ICAM5: variants seen among roughly 807,000 people sequenced by gnomAD.
The protein encoded by ICAM5 is intercellular adhesion molecule 5, also known as ICAM-5.
ICAM5 carries 38 observed loss-of-function variants against 78.8 expected under a neutral mutation model. The ratio of observed to expected loss-of-function variants is 0.48; its 90% confidence interval spans 0.37 to 0.63. The LOEUF is 0.63. ICAM5 is among the 30% of genes least tolerant of loss of function. The pLI is 0.00. For missense variants in ICAM5, 1,059 were observed against 1,303.0 expected (o/e 0.81, Z 2.88); for synonymous variants, 544 against 590.9 (o/e 0.92, Z 1.15).
chr19:10,295,459 C>T lies in ICAM5; in HGVS notation c.2344C>T (p.Arg782Cys), dbSNP rs754587787. 6.3e-7 allele frequency: 1 copy of T among 1,597,046 alleles called. No homozygotes were observed. Among genetic ancestry groups the T allele is most frequent in the Admixed American group, 1.7e-5 (1 of 58,072 alleles). The stretch of plus-strand genomic sequence containing the variant: ...CTGGCCTCCAGCCCAGATCAGCTGG[C>T]GCGCGCCCCCGGGGGCCCTCAACAT... ...EAWPPAQISW[R>C]APPGALNIGL... The change falls in exon 10 of 11, where the codon CGC (arginine) becomes TGC (cysteine). Residue 782 changes from arginine to cysteine, a missense_variant. Coordinates refer to ENST00000221980, the MANE Select transcript of ICAM5 (RefSeq NM_003259.4).
chr19:10,292,936 T>A, intron 5 of ICAM5, 62 bp from the exon 6 acceptor site: 1 of 1,607,726 alleles, frequency 6.2e-7, no homozygotes, highest in Non-Finnish European at 8.5e-7. Context: ...TCCCTCACCG[T>A]GTCGTGGAGG....
In ICAM5 at chr19:10,292,769, C is replaced by G. The variant is rs144063436; in HGVS notation, c.1119C>G (p.Thr373=). ...CCGCCCAGCTTCAGCTAAATGCCAC[C>G]GAGAACGACGACAGACGCAGCTTCT... ...GQPAQLQLNA[T]ENDDRRSFFC... Residue 373 remains threonine (T), a synonymous_variant, in exon 5 of 11, where the codon ACC becomes ACG. Transcript: ENST00000221980. 3,163 of 1,613,466 alleles carry G rather than the reference C, an allele frequency of 2.0e-3. 3 individuals carry two copies. The highest frequency in any genetic ancestry group is 2.4e-3 in the Non-Finnish European group (2,789 of 1,180,000).
intron 9 of ICAM5, among the ~76,000 whole-genome samples, 153 bp from the exon 10 acceptor site, chr19:10,295,193 A>G (rs779675185): frequency 2.0e-5 from 3 of 151,960 alleles, no homozygotes; most frequent in Non-Finnish European, 4.4e-5. Context: ...CAGCAGCCTG[A>G]TTGTCGGGGA....
Position 10,290,747 on chromosome 19 carries a change from C to T in ICAM5, c.83-325C>T, listed in dbSNP as rs1432646719. ...TCATCCCCCATCCCCCATCCCGGGT[C>T]CCCTTCTCTCAGCCTTGCTGTGTTC... On this transcript the variant is annotated intron_variant, in intron 1 of 10. Coordinates refer to ENST00000221980, the MANE Select transcript of ICAM5 (RefSeq NM_003259.4). The surrounding 1 kb of genome is among the most constrained non-coding windows in gnomAD (Gnocchi z 5.7). 2 of 429,230 alleles carry T rather than the reference C, an allele frequency of 4.7e-6. No individual in the cohort carries two copies. Among genetic ancestry groups the T allele is most frequent in the East Asian group, 3.8e-5 (1 of 26,166 alleles). The allele number at this position is 429,230 out of a possible 1,614,324, so 26.6% of individuals were successfully genotyped here.
chr19:10,293,559 A>T lies in ICAM5; in HGVS notation c.1466-139A>T. ...CCCAGACAGAGTGCATGCCTCGACT[A>T]GCGTGACACCTCCTTGGATCGGCGT... On this transcript the variant is annotated intron_variant, in intron 6 of 10. Transcript: ENST00000221980. This position sits in a 1 kb window ranked among gnomAD's most constrained non-coding sequence, Gnocchi z 5.0. 3.3e-6 allele frequency: 4 copies of T among 1,230,076 alleles called. No individual in the cohort carries two copies. Among genetic ancestry groups the T allele is most frequent in the Non-Finnish European group, 4.5e-6 (4 of 890,494 alleles). 76.2% of individuals were successfully genotyped at this position (1,230,076 alleles called of 1,614,324 possible).
In ICAM5 at chr19:10,295,366, C is replaced by T. The variant is rs1318054434; in HGVS notation, c.2251C>T (p.Leu751Phe). 1 of 1,570,836 alleles carries T rather than the reference C, an allele frequency of 6.4e-7. No homozygotes were observed. The highest frequency in any genetic ancestry group is 8.6e-7 in the Non-Finnish European group (1 of 1,162,372). The change falls in exon 10 of 11, where the codon CTT becomes TTT. Residue 751 changes from leucine to phenylalanine, a missense_variant. Coordinates refer to ENST00000221980, the MANE Select transcript of ICAM5 (RefSeq NM_003259.4). ...TTCAGACCGGCCAGTGGTGGCCGAA[C>T]TTGCTGCCTCGCCCCCTGGAGGCGT... ...GVEYRPVVAE[L>F]AASPPGGVRP...
intron 5 of ICAM5, 37 bp downstream of exon 5, chr19:10,292,903 G>A: frequency 1.2e-6 from 2 of 1,606,378 alleles, no homozygotes; most frequent in Non-Finnish European, 1.7e-6. Flanking sequence ...CCACCTTCTG[G>A]TGACTTCCAA....
Position 10,294,617 on chromosome 19 carries a change from G to A in ICAM5, c.2207G>A (p.Arg736Gln), listed in dbSNP as rs1217315596. 1 of 1,612,786 alleles carries A rather than the reference G, an allele frequency of 6.2e-7. No homozygotes were observed. Among genetic ancestry groups the A allele is most frequent in the African/African-American group, 1.3e-5 (1 of 75,014 alleles). The change falls in exon 9 of 11, where the codon CGG (arginine) becomes CAG (glutamine). Residue 736 changes from arginine (R) to glutamine (Q), a missense_variant. Around this residue, in one of 3 missense-constraint regions of ICAM5, gnomAD observed 135 missense variants for 230.2 expected, o/e 0.59. Transcript: ENST00000221980. This position sits in a 1 kb window ranked among gnomAD's most constrained non-coding sequence, Gnocchi z 7.7. ...ACCAATGCGCATGGCACGGACTCCC[G>A]GACCGTCACTGTGGGCGTGGAATGT... ...VATNAHGTDS[R>Q]TVTVGVEYRP...
intron 9 of ICAM5, among the ~76,000 whole-genome samples, chr19:10,295,098 C>T (rs891420045): frequency 1.3e-5 from 2 of 152,208 alleles, no homozygotes; most frequent in African/African-American, 4.8e-5. Context: ...AGGAGCACGG[C>T]CCTCCTCAAA....
rs867890082 is a variant in ICAM5, at chr19:10,296,431, G to A, written c.2590G>A (p.Ala864Thr). ...AGLAFYVQST[A>T]CKKGEYNVQE... ...CCTGGCCTTCTACGTGCAGTCCACCGCCTGCAAGAAGGGCGAGTACAACGT... is the reference window on the plus strand; with the variant it reads ...CCTGGCCTTCTACGTGCAGTCCACCACCTGCAAGAAGGGCGAGTACAACGT... The change falls in exon 11 of 11, where the codon GCC (alanine) becomes ACC (threonine). Residue 864 changes from alanine to threonine, a missense_variant. Transcript: ENST00000221980. The A allele has an allele frequency of 1.5e-6, 2 of 1,326,558 alleles. No homozygotes were observed. Among genetic ancestry groups the A allele is most frequent in the African/African-American group, 3.1e-5 (2 of 65,018 alleles). 82.2% of individuals were successfully genotyped at this position (1,326,558 alleles called of 1,614,324 possible).
chr19:10,295,636 G>C, intron 10 of ICAM5, 24 bp downstream of exon 10: 1 of 1,530,150 alleles, frequency 6.5e-7, no homozygotes, highest in Non-Finnish European at 8.8e-7. Flanking sequence ...GGGGAGAGGC[G>C]GGGCGAGGTA....
At position 10,294,414 on chromosome 19, in the gene ICAM5, GGATGAA is replaced by G. The variant is rs758704689; in HGVS notation, c.2005_2010del (p.Asp669_Glu670del). Reference sequence around the variant, plus strand: ...GCTGCTTTGCAGCGCCACCGGAGATGGATGAATCTACCTGCCCAAGTCACCAGACGT... The same window carrying G: ...GCTGCTTTGCAGCGCCACCGGAGATGTCTACCTGCCCAAGTCACCAGACGT... On this transcript the variant is annotated inframe_deletion, in exon 9 of 11. Transcript: ENST00000221980. This position sits in a 1 kb window ranked among gnomAD's most constrained non-coding sequence, Gnocchi z 7.7. The G allele has an allele frequency of 6.2e-7, 1 of 1,612,808 alleles. No homozygotes were observed. The highest frequency in any genetic ancestry group is 8.5e-7 in the Non-Finnish European group (1 of 1,179,692).
Position 10,290,218 on chromosome 19 carries a change from G to T in ICAM5, c.82+93G>T, listed in dbSNP as rs1246273702. 1.0e-5 allele frequency: 10 copies of T among 953,940 alleles called. No individual in the cohort carries two copies. Among genetic ancestry groups the T allele is most frequent in the Admixed American group, 3.1e-5 (1 of 32,538 alleles). 59.1% of individuals were successfully genotyped at this position (953,940 alleles called of 1,614,324 possible). ...TCCTGTCCCTCCCAGCTCTGCCCTC[G>T]CCTCGCTCCCACGCCTCTGCCCCCA... On this transcript the variant is annotated intron_variant, in intron 1 of 10. Transcript: ENST00000221980. This position sits in a 1 kb window ranked among gnomAD's most constrained non-coding sequence, Gnocchi z 5.7.
Position 10,290,500 on chromosome 19 carries a change from A to C in ICAM5, c.82+375A>C. ...AGACTCCATCTCTCCAACTACCCTGACTCAGAGGCGCTGTTCCCGCTCCAC... is the reference window on the plus strand; with the variant it reads ...AGACTCCATCTCTCCAACTACCCTGCCTCAGAGGCGCTGTTCCCGCTCCAC... On this transcript the variant is annotated intron_variant, in intron 1 of 10. Transcript: ENST00000221980. This position sits in a 1 kb window ranked among gnomAD's most constrained non-coding sequence, Gnocchi z 5.7. 4.3e-6 allele frequency: 1 copy of C among 231,578 alleles called. No individual in the cohort carries two copies. Among genetic ancestry groups the C allele is most frequent in the South Asian group, 1.1e-4 (1 of 8,772 alleles). 14.3% of individuals were successfully genotyped at this position (231,578 alleles called of 1,614,324 possible). A position where few individuals can be genotyped will look rare whatever the true frequency, so the allele number is the denominator to read the frequency against.
At position 10,294,386 on chromosome 19, in the gene ICAM5, A is replaced by G. The variant is rs1012576657; in HGVS notation, c.1991-15A>G. On this transcript the variant is annotated splice_polypyrimidine_tract_variant and intron_variant, in intron 8 of 10. Transcript: ENST00000221980. The surrounding 1 kb of genome is among the most constrained non-coding windows in gnomAD (Gnocchi z 7.7). ...GTCCAGGCACTCCCTGACATCCCCC[A>G]TGGCTGCTTTGCAGCGCCACCGGAG... 5.6e-6 allele frequency: 9 copies of G among 1,612,786 alleles called. No individual in the cohort carries two copies. The Admixed American group carries it at 1.5e-4, about 27-fold the overall frequency.
chr19:10,291,915 G>A, intron 3 of ICAM5, 106 bp downstream of exon 3: 2 of 1,487,758 alleles, frequency 1.3e-6, no homozygotes, highest in African/African-American at 2.8e-5. Flanking sequence ...AACCCTCGCC[G>A]GCTGAGCTGT....
chr19:10,294,061 C>T lies in ICAM5; in HGVS notation c.1733C>T (p.Pro578Leu). The T allele has an allele frequency of 1.3e-6, 2 of 1,579,866 alleles. No homozygotes were observed. Among genetic ancestry groups the T allele is most frequent in the Non-Finnish European group, 1.7e-6 (2 of 1,161,604 alleles). The stretch of plus-strand genomic sequence containing the variant: ...CCAGATGGCCCCAGGTTTGAGGAGC[C>T]GAGCTGCCCCAGCAATTGGACATGG... Reference protein sequence around the residue: ...TVEYGPRFEEPSCPSNWTWVE... With the variant: ...TVEYGPRFEELSCPSNWTWVE... Residue 578 changes from proline to leucine, a missense_variant, in exon 8 of 11, where the codon CCG becomes CTG. Pro to Leu is a moderately conservative substitution (Grantham distance 98, BLOSUM62 -3). Coordinates refer to ENST00000221980, the MANE Select transcript of ICAM5 (RefSeq NM_003259.4). The surrounding 1 kb of genome is among the most constrained non-coding windows in gnomAD (Gnocchi z 7.7).
Position 10,291,263 on chromosome 19 carries a change from G to A in ICAM5, c.274G>A (p.Glu92Lys), listed in dbSNP as rs2040169557. The change falls in exon 2 of 11, where the codon GAG (glutamate) becomes AAG (lysine). Residue 92 changes from glutamate (E) to lysine (K), a missense_variant. Physicochemically the swap from Glu to Lys is moderately conservative, Grantham distance 56. Coordinates refer to ENST00000221980, the MANE Select transcript of ICAM5 (RefSeq NM_003259.4). The part of the protein sequence containing the change: ...WLARQLVDIR[E>K]PETQPVCFFR... ...GGCGCGGCAGCTGGTGGACATTCGC[G>A]AGCCGGAGACTCAGCCCGTCTGCTT... 2 of 1,612,522 alleles carry A rather than the reference G, an allele frequency of 1.2e-6. No individual in the cohort carries two copies. The highest frequency in any genetic ancestry group is 1.7e-6 in the Non-Finnish European group (2 of 1,179,940).
At position 10,294,659 on chromosome 19, in the gene ICAM5, G is replaced by T. The variant is rs748527748; in HGVS notation, c.2230+19G>T. On this transcript the variant is annotated intron_variant, in intron 9 of 10. Coordinates refer to ENST00000221980, the MANE Select transcript of ICAM5 (RefSeq NM_003259.4). The surrounding 1 kb of genome is among the most constrained non-coding windows in gnomAD (Gnocchi z 7.7). ...GTGGAATGTGAGTGGGGGCAGCACC[G>T]GATGGAGGGGACACGGTCCTCGGAA... is the stretch of plus-strand genomic sequence containing the variant. The T allele has an allele frequency of 1.2e-6, 2 of 1,612,338 alleles. No homozygotes were observed. Among genetic ancestry groups the T allele is most frequent in the Non-Finnish European group, 1.7e-6 (2 of 1,179,736 alleles).
Sources: gnomAD v4.1 joint callset for allele counts (sites outside exome capture counted in the v4.1 genomes callset) on GRCh38, gnomAD v4.1.1 for gene constraint, gnomAD v4.1.1 regional missense constraint, Gnocchi (gnomAD v3.1) non-coding constraint, MANE v1.5 for transcripts, NCBI Gene and HGNC (gene_info 2026-07-23, HGNC 2026-07-21) for gene names.